Variants in KIFBP observed in about 807,000 individuals in gnomAD.
The protein encoded by KIFBP is kinesin family binding protein.
A neutral mutation model predicts 58.9 loss-of-function variants in KIFBP; 46 were observed. The ratio of observed to expected loss-of-function variants is 0.78; its 90% CI spans 0.62 to 1.00. The LOEUF (loss-of-function observed/expected upper bound fraction) is 1.00, where lower values mean the gene tolerates loss of function less well. KIFBP is among the 50% of genes least tolerant of loss of function. KIFBP has a pLI of 0.00. For synonymous variants in KIFBP, 241 were observed against 283.4 expected (o/e 0.85, Z 1.50); for missense variants, 651 against 752.9 (o/e 0.86, Z 1.58).
rs555235726 is a variant in KIFBP at position 69,006,106 on chromosome 10, TGA to T, written c.789+193_789+194del. The T allele has an allele frequency of 8.7e-4, 516 of 592,124 alleles. 3 individuals are homozygous for T. The African/African-American group carries it at 8.9e-3, about 10-fold the overall frequency. 36.7% of individuals were successfully genotyped at this position (592,124 alleles called of 1,614,324 possible). ...TAGCTTTTTGTTGTATGAATTATTT[TGA>T]GTTTTAAAATACCGAGTTTTATCAT... On this transcript the variant is annotated intron_variant, in intron 4 of 6. Transcript: ENST00000361983.
intron 6 of KIFBP, 90 bp downstream of exon 6, chr10:69,011,105 A>G (rs1589297736): frequency 2.4e-6 from 2 of 826,400 alleles, no homozygotes; most frequent in Admixed American, 1.8e-5. Flanking sequence ...TTGGGGTCAC[A>G]TTGTGTTTAA....
At chr10:69,014,030 T>C (rs902031640) in intron 6 of KIFBP, among the ~76,000 whole-genome samples, 25 of 152,252 alleles carry the variant, frequency 1.6e-4, no homozygotes, top group African/African-American at 6.0e-4. Context: ...GGATTACAGG[T>C]GTGAGCCACT....
rs1843518167 is a variant in KIFBP at position 69,005,124 on chromosome 10, A to C, written c.604A>C (p.Arg202=). 6.2e-7 allele frequency: 1 copy of C among 1,601,542 alleles called. No homozygotes were observed. The highest frequency in any genetic ancestry group is 1.3e-5 in the African/African-American group (1 of 74,774). The change falls in exon 3 of 7, where the codon AGA becomes CGA. Residue 202 remains arginine, a splice_region_variant and synonymous_variant. Transcript: ENST00000361983. ...EKLTEQERSK[R]FEKVYTHNLY... Reference sequence around the variant, plus strand: ...ACTTACTGAACAAGAGAGATCAAAAAGGTGAGTAGGTATAGAAATCAGCCC... The same window carrying C: ...ACTTACTGAACAAGAGAGATCAAAACGGTGAGTAGGTATAGAAATCAGCCC...
intron 1 of KIFBP, among the ~76,000 whole-genome samples, chr10:68,999,403 CTT>C (rs553746500): frequency 2.6e-3 from 380 of 147,834 alleles, no homozygotes; most frequent in African/African-American, 4.9e-3. Flanking sequence ...TGGCCTATTT[CTT>C]TTTTTTTTAA....
chr10:69,003,459 T>C (rs1253745597), intron 2 of KIFBP, among the ~76,000 whole-genome samples: 1 of 152,198 alleles, frequency 6.6e-6, no homozygotes, highest in African/African-American at 2.4e-5. Flanking sequence ...ATGAAAGACG[T>C]TGTTCCTTTT....
chr10:68,991,555 G>T, intron 1 of KIFBP: 1 of 432,192 alleles, frequency 2.3e-6, no homozygotes, highest in Non-Finnish European at 4.9e-6. Context: ...TAAGGCATTG[G>T]CAGCAAGTGC....
rs200399485 is a variant in KIFBP at position 68,989,232 on chromosome 10, T to G, written c.400T>G (p.Cys134Gly). ...LLRRYRLSHD[C>G]ISLCIQAQNN... Reference sequence around the variant, plus strand: ...GCGCAGGTACCGGCTCTCGCACGACTGCATCTCTCTCTGCATCCAGGCGCA... The same window carrying G: ...GCGCAGGTACCGGCTCTCGCACGACGGCATCTCTCTCTGCATCCAGGCGCA... The change falls in exon 1 of 7, where the codon TGC (cysteine) becomes GGC (glycine). Residue 134 changes from cysteine to glycine, a missense_variant. Coordinates refer to ENST00000361983, the MANE Select transcript of KIFBP (RefSeq NM_015634.4). The G allele has an allele frequency of 2.4e-5, 39 of 1,613,502 alleles. No homozygotes were observed. The highest frequency in any genetic ancestry group is 3.3e-5 in the Non-Finnish European group (39 of 1,179,938).
At position 69,016,928 on chromosome 10, in the gene KIFBP, G is replaced by T. The variant is rs1376399557; in HGVS notation, c.*512G>T. On this transcript the variant is annotated 3_prime_UTR_variant, in exon 7 of 7. Coordinates refer to ENST00000361983, the MANE Select transcript of KIFBP (RefSeq NM_015634.4). ...TGTAAAATGGTTTGTCTTAATTATA[G>T]GAGAAAAAGGCCTTGTTAGAAATAA... is the stretch of plus-strand genomic sequence containing the variant. The T allele has an allele frequency of 6.5e-6, 1 of 152,780 alleles. No individual in the cohort carries two copies. The highest frequency in any genetic ancestry group is 6.5e-5 in the Admixed American group (1 of 15,348). 9.5% of individuals were successfully genotyped at this position (152,780 alleles called of 1,614,324 possible).
rs1237537506 is a variant in KIFBP, at chr10:69,000,404, T to A, written c.427-20T>A. ...GAAGTCTTATATCATTGTTTGTTTC[T>A]CTTTTTCTTTATTTTCCAGAATAAC... On this transcript the variant is annotated intron_variant, in intron 1 of 6. Coordinates refer to ENST00000361983, the MANE Select transcript of KIFBP (RefSeq NM_015634.4). 1 of 1,501,130 alleles carries A rather than the reference T, an allele frequency of 6.7e-7. No homozygotes were observed. Among genetic ancestry groups the A allele is most frequent in the East Asian group, 2.3e-5 (1 of 44,282 alleles). 93.0% of individuals were successfully genotyped at this position (1,501,130 alleles called of 1,614,324 possible).
intron 1 of KIFBP, chr10:68,991,551 A>AAT (rs1843347002): frequency 2.3e-6 from 1 of 436,158 alleles, no homozygotes; most frequent in African/African-American, 2.0e-5. Flanking sequence ...AAGCTAAGGC[A>AAT]TTGGCAGCAA....
intron 4 of KIFBP, chr10:69,007,684 G>T (rs1843549657): frequency 6.6e-6 from 1 of 152,188 alleles, no homozygotes; most frequent in South Asian, 2.1e-4. Context: ...TTCTGAATTT[G>T]CCATAATGGA....
Position 68,989,147 on chromosome 10 carries a change from C to T in KIFBP, c.315C>T (p.His105=), listed in dbSNP as rs2132104544. The change falls in exon 1 of 7, where the codon CAC becomes CAT. Residue 105 remains histidine (H), a synonymous_variant. Coordinates refer to ENST00000361983, the MANE Select transcript of KIFBP (RefSeq NM_015634.4). ...AVIEFHLGVN[H]IDTEELSAGE... The stretch of plus-strand genomic sequence containing the variant: ...TCGAGTTCCACCTCGGGGTGAACCA[C>T]ATCGACACGGAGGAGCTGTCGGCGG... 1 of 1,613,078 alleles carries T rather than the reference C, an allele frequency of 6.2e-7. No homozygotes were observed. Among genetic ancestry groups the T allele is most frequent in the East Asian group, 2.2e-5 (1 of 44,866 alleles).
chr10:69,012,147 A>G (rs1843601823), intron 6 of KIFBP, among the ~76,000 whole-genome samples: 1 of 152,180 alleles, frequency 6.6e-6, no homozygotes, highest in African/African-American at 2.4e-5. Context: ...CTTGAAATAC[A>G]CTAGGTAGGT....
chr10:69,008,394 ATATATATAT>A (rs1843559232), intron 4 of KIFBP, among the ~76,000 whole-genome samples: 5 of 84,470 alleles, frequency 5.9e-5, no homozygotes, highest in African/African-American at 2.8e-4. Flanking sequence ...AAAAAAAAAT[ATATATATAT>A]ATATATATAT....
chr10:69,006,122 G>C (rs1269391722), intron 4 of KIFBP: 2 of 574,296 alleles, frequency 3.5e-6, no homozygotes, highest in Non-Finnish European at 6.2e-6. Context: ...TTAAAATACC[G>C]AGTTTTATCA....
chr10:68,992,594 G>A (rs995488796), intron 1 of KIFBP, among the ~76,000 whole-genome samples: 2 of 152,154 alleles, frequency 1.3e-5, no homozygotes, highest in Admixed American at 6.5e-5. Context: ...CTGGGTTAGC[G>A]TAGTAACATT....
At chr10:69,004,751 C>G (rs1032842431) in intron 2 of KIFBP, among the ~76,000 whole-genome samples, 26 of 152,194 alleles carry the variant, frequency 1.7e-4, no homozygotes, top group African/African-American at 6.0e-4. Context: ...GTGGTTCCAG[C>G]TACTCAGGAG....
intron 2 of KIFBP, among the ~76,000 whole-genome samples, chr10:69,003,990 G>C (rs1055487791): frequency 6.6e-6 from 1 of 152,026 alleles, no homozygotes; most frequent in African/African-American, 2.4e-5. Context: ...CGGGGGCCGA[G>C]GCAGGCGGAT....
intron 2 of KIFBP, 94 bp from the exon 3 acceptor site, chr10:69,004,952 C>T (rs1350117859): frequency 1.2e-6 from 1 of 801,996 alleles, no homozygotes; most frequent in African/African-American, 1.7e-5. Context: ...ATGTATTTGG[C>T]TTGTAGAAGT....
Sources: gnomAD v4.1 joint callset for allele counts (sites outside exome capture counted in the v4.1 genomes callset) on GRCh38, gnomAD v4.1.1 for gene constraint, MANE v1.5 for transcripts, NCBI Gene and HGNC (gene_info 2026-07-23, HGNC 2026-07-21) for gene names.